Variants in SCRG1 observed in about 807,000 individuals in gnomAD.
The protein encoded by SCRG1 is stimulator of chondrogenesis 1, also known as scrapie-responsive protein 1.
SCRG1 carries 3 observed loss-of-function variants against 7.7 expected under a neutral mutation model. The ratio of observed to expected loss-of-function variants is 0.39; its 90% CI spans 0.18 to 1.01. The LOEUF is 1.01. Among genes scored for constraint, SCRG1 ranks in the 50% least tolerant of loss-of-function variants. The pLI is 0.36. For missense variants in SCRG1, 110 were observed against 117.2 expected, an observed-to-expected ratio of 0.94 and a Z score of 0.28; for synonymous variants, 46 against 41.2, an observed-to-expected ratio of 1.12 and a Z score of -0.44.
At chr4:173,396,264 G>T (rs560951757) in intron 1 of SCRG1, among the ~76,000 whole-genome samples, 1 of 152,304 alleles carries the variant, frequency 6.6e-6, no homozygotes, top group East Asian at 1.9e-4. Context: ...ATGTTGAGTA[G>T]GCAGTTGAAT....
the SCRG1 span, among the ~76,000 whole-genome samples, chr4:173,457,596 G>C: frequency 6.6e-6 from 1 of 152,182 alleles, no homozygotes; most frequent in South Asian, 2.1e-4. Flanking sequence ...GGCTAGCAAG[G>C]CTGGCACTTG....
At chr4:173,403,468 T>C (rs144473788), upstream of SCRG1, among the ~76,000 whole-genome samples, 100 of 152,244 alleles carry the variant, frequency 6.6e-4, no homozygotes, top group Non-Finnish European at 1.2e-3. Context: ...GCACCCACCT[T>C]CGTCTGCGCC....
the SCRG1 span, among the ~76,000 whole-genome samples, chr4:173,494,182 C>A: frequency 7.2e-5 from 11 of 152,108 alleles, no homozygotes; most frequent in Non-Finnish European, 1.2e-4. Context: ...ACGTGCACAC[C>A]CAGGCGCGAG....
At chr4:173,440,710 T>A in the SCRG1 span, among the ~76,000 whole-genome samples, 1 of 152,174 alleles carries the variant, frequency 6.6e-6, no homozygotes, top group South Asian at 2.1e-4. Context: ...GCTCTCATAG[T>A]TCTGGAGACT....
chr4:173,463,953 T>TG, the SCRG1 span, among the ~76,000 whole-genome samples: 2 of 151,974 alleles, frequency 1.3e-5, no homozygotes, highest in African/African-American at 2.4e-5. Context: ...CAACGGACAA[T>TG]GGGGGGAGAA....
At chr4:173,476,363 A>AAAAAAAAATAT in the SCRG1 span, among the ~76,000 whole-genome samples, 1 of 98,484 alleles carries the variant, frequency 1.0e-5, no homozygotes, top group Non-Finnish European at 2.3e-5. Context: ...GGAAAAAAAA[A>AAAAAAAAATAT]ATATATATAT....
Position 173,388,224 on chromosome 4 carries a change from A to G in SCRG1, c.*117T>C. On this transcript the variant is annotated 3_prime_UTR_variant, in exon 3 of 3. Coordinates refer to ENST00000296506, the MANE Select transcript of SCRG1 (RefSeq NM_007281.4). ...CAGATTTACTTGTCTTAGACAAGTA[A>G]GAATTTATAGAATCTATGCTCTATT... 1 of 587,292 alleles carries G rather than the reference A, an allele frequency of 1.7e-6. No individual in the cohort carries two copies. The highest frequency in any genetic ancestry group is 1.9e-5 in the African/African-American group (1 of 52,356). 36.4% of individuals were successfully genotyped at this position (587,292 alleles called of 1,614,324 possible). A position where few individuals can be genotyped will look rare whatever the true frequency, so the allele number is the denominator to read the frequency against.
At chr4:173,478,640 G>T in the SCRG1 span, among the ~76,000 whole-genome samples, 1 of 152,140 alleles carries the variant, frequency 6.6e-6, no homozygotes, top group Non-Finnish European at 1.5e-5. Context: ...GTACTCTGCA[G>T]TCTCAGTAAC....
At chr4:173,515,375 T>C in the SCRG1 span, among the ~76,000 whole-genome samples, 14 of 150,778 alleles carry the variant, frequency 9.3e-5, no homozygotes, top group Admixed American at 7.3e-4. This position sits in a 1 kb window ranked among gnomAD's most constrained non-coding sequence, Gnocchi z 4.6. Context: ...TTAGTAAAAA[T>C]AACAGGGTGA....
At chr4:173,512,153 G>C in the SCRG1 span, among the ~76,000 whole-genome samples, 1 of 152,176 alleles carries the variant, frequency 6.6e-6, no homozygotes, top group African/African-American at 2.4e-5. Flanking sequence ...AGGGATGCAG[G>C]GGGCAGAGGG....
the SCRG1 span, among the ~76,000 whole-genome samples, chr4:173,476,363 A>AATATATATATAT: frequency 2.0e-5 from 2 of 98,480 alleles, no homozygotes; most frequent in African/African-American, 6.2e-5. Flanking sequence ...GGAAAAAAAA[A>AATATATATATAT]ATATATATAT....
At chr4:173,510,970 T>C in the SCRG1 span, among the ~76,000 whole-genome samples, 1 of 152,202 alleles carries the variant, frequency 6.6e-6, no homozygotes, top group Non-Finnish European at 1.5e-5. The surrounding 1 kb of genome is among the most constrained non-coding windows in gnomAD (Gnocchi z 5.7). Flanking sequence ...AGCTGCCTCT[T>C]CTTTTTTTGT....
the SCRG1 span, among the ~76,000 whole-genome samples, chr4:173,480,352 T>G: frequency 3.3e-5 from 5 of 152,156 alleles, no homozygotes; most frequent in African/African-American, 9.6e-5. Flanking sequence ...GGACTGGTTT[T>G]TTTTGTTTGT....
At chr4:173,444,140 A>C in the SCRG1 span, among the ~76,000 whole-genome samples, 1 of 151,908 alleles carries the variant, frequency 6.6e-6, no homozygotes, top group Admixed American at 6.6e-5. Flanking sequence ...CGCCTGGCTA[A>C]TTTTTGTATT....
chr4:173,419,281 G>T, the SCRG1 span: 1 of 598,604 alleles, frequency 1.7e-6, no homozygotes. Context: ...CTCTGAGGGA[G>T]CTTGCCTTCT....
chr4:173,394,076 A>G (rs574725820), intron 1 of SCRG1, among the ~76,000 whole-genome samples: 84 of 151,948 alleles, frequency 5.5e-4, no homozygotes, highest in African/African-American at 1.9e-3. Flanking sequence ...TGCTACCCTA[A>G]GTCTTTTGAT....
chr4:173,516,985 T>C, the SCRG1 span, among the ~76,000 whole-genome samples: 1 of 152,154 alleles, frequency 6.6e-6, no homozygotes, highest in East Asian at 1.9e-4. Flanking sequence ...TTGTGCGCCG[T>C]AGTGCTTAGC....
the SCRG1 span, among the ~76,000 whole-genome samples, chr4:173,444,263 T>C: frequency 1.3e-5 from 2 of 152,174 alleles, no homozygotes; most frequent in African/African-American, 4.8e-5. Context: ...CATGAGCCTC[T>C]GCGCCTGGCC....
the SCRG1 span, among the ~76,000 whole-genome samples, chr4:173,479,435 G>GT: frequency 0.056 from 7,017 of 124,836 alleles, 465 homozygotes; most frequent in South Asian, 0.2. Flanking sequence ...TTGTTTGTTT[G>GT]TTTTTTTGTT....
Sources: gnomAD v4.1 joint callset for allele counts (sites outside exome capture counted in the v4.1 genomes callset) on GRCh38, gnomAD v4.1.1 for gene constraint, Gnocchi (gnomAD v3.1) non-coding constraint, MANE v1.5 for transcripts, NCBI Gene and HGNC (gene_info 2026-07-23, HGNC 2026-07-21) for gene names.